Variants in KATNIP observed in about 807,000 individuals in gnomAD.
KATNIP encodes katanin-interacting protein.
KATNIP carries 126 observed loss-of-function variants against 174.0 expected under a neutral mutation model. The ratio of observed to expected loss-of-function variants is 0.72; its 90% CI spans 0.63 to 0.84. The LOEUF is 0.84. Among genes scored for constraint, KATNIP ranks in the 40% least tolerant of loss-of-function variants. The probability of loss-of-function intolerance (pLI) is 0.00; values close to 1 mark genes in which losing one functional copy is unlikely to be tolerated. For missense variants in KATNIP, 1,958 were observed against 2,109.7 expected (o/e 0.93, Z 1.41); for synonymous variants, 810 against 835.7 (o/e 0.97, Z 0.53).
intron 2 of KATNIP, among the ~76,000 whole-genome samples, chr16:27,605,384 A>T (rs1307454594): frequency 6.6e-6 from 1 of 152,224 alleles, no homozygotes. Context: ...TTAGATAGCT[A>T]TGTAAGAAAA....
chr16:27,576,421 G>C (rs2090497302), intron 2 of KATNIP, among the ~76,000 whole-genome samples: 1 of 152,024 alleles, frequency 6.6e-6, no homozygotes, highest in Admixed American at 6.6e-5. Context: ...CAGAGCTTTT[G>C]TTCGGTTAGA....
At chr16:27,758,023 C>T (rs1157110865) in intron 18 of KATNIP, among the ~76,000 whole-genome samples, 1 of 152,088 alleles carries the variant, frequency 6.6e-6, no homozygotes, top group Non-Finnish European at 1.5e-5. Flanking sequence ...AATTGATACA[C>T]CAGAGGAAAA....
intron 5 of KATNIP, among the ~76,000 whole-genome samples, chr16:27,642,771 T>TTTTC (rs2076840835): frequency 2.3e-5 from 1 of 43,900 alleles, no homozygotes; most frequent in African/African-American, 3.6e-5. Context: ...TTTAAAAAAT[T>TTTTC]TTTTTTTTTT....
At chr16:27,617,532 A>G (rs1033540584) in intron 2 of KATNIP, among the ~76,000 whole-genome samples, 1 of 152,216 alleles carries the variant, frequency 6.6e-6, no homozygotes, top group Non-Finnish European at 1.5e-5. Context: ...GTCACTTTCA[A>G]GGTCATCTAC....
chr16:27,555,847 A>G (rs895629926), intron 1 of KATNIP, among the ~76,000 whole-genome samples: 1 of 151,804 alleles, frequency 6.6e-6, no homozygotes, highest in Non-Finnish European at 1.5e-5. Flanking sequence ...AAAAAAAAAA[A>G]AAGTTCCTAC....
rs1273039611 is a variant in KATNIP, at chr16:27,637,012, T to A, written c.408+5850T>A. On this transcript the variant is annotated intron_variant, in intron 5 of 27. Transcript: ENST00000261588. The surrounding 1 kb of genome is among the most constrained non-coding windows in gnomAD (Gnocchi z 4.7). Reference sequence around the variant, plus strand: ...GCTCCGCCTCCTGCCAGCTGCACAGTGGCTAAGACGCTTAACCCCTTGGTG... The same window carrying A: ...GCTCCGCCTCCTGCCAGCTGCACAGAGGCTAAGACGCTTAACCCCTTGGTG... Among the ~76,000 whole-genome samples, 1 of 152,246 alleles carries A rather than the reference T, an allele frequency of 6.6e-6. No individual in the cohort carries two copies. Among genetic ancestry groups the A allele is most frequent in the Non-Finnish European group, 1.5e-5 (1 of 68,050 alleles).
chr16:27,775,809 G>C (rs1012622046), intron 24 of KATNIP, among the ~76,000 whole-genome samples: 5 of 152,174 alleles, frequency 3.3e-5, no homozygotes, highest in African/African-American at 7.2e-5. Flanking sequence ...GGGACTGAGT[G>C]GGGGATCGGG....
In KATNIP at chr16:27,698,507, T is replaced by C; in HGVS notation, c.1113+7T>C. On this transcript the variant is annotated splice_region_variant and intron_variant, in intron 9 of 27. Transcript: ENST00000261588. Reference sequence around the variant, plus strand: ...GCCAGCCAGCCCACTGCAGGTGCGCTCCGGGCTGGGAGAGGAACCGGGGGA... The same window carrying C: ...GCCAGCCAGCCCACTGCAGGTGCGCCCCGGGCTGGGAGAGGAACCGGGGGA... 1 of 1,599,372 alleles carries C rather than the reference T, an allele frequency of 6.3e-7. No homozygotes were observed. Among genetic ancestry groups the C allele is most frequent in the Non-Finnish European group, 8.5e-7 (1 of 1,171,506 alleles).
intron 1 of KATNIP, among the ~76,000 whole-genome samples, chr16:27,551,884 C>G (rs1352879292): frequency 1.3e-5 from 2 of 151,352 alleles, no homozygotes; most frequent in Non-Finnish European, 2.9e-5. Context: ...TAATAATTGG[C>G]CAGGTGCAGT....
rs546204586 is a variant in KATNIP at position 27,604,684 on chromosome 16, C to A, written c.64-13741C>A. ...TTCAGCCAATACTGAAGAAATGCAT[C>A]ATTGTGTGAAATAAAGTCAACACCA... On this transcript the variant is annotated intron_variant, in intron 2 of 27. Coordinates refer to ENST00000261588, the MANE Select transcript of KATNIP (RefSeq NM_015202.5). Among the ~76,000 whole-genome samples, 8 of 152,284 alleles carry A rather than the reference C, an allele frequency of 5.3e-5. No homozygotes were observed. The South Asian group carries it at 1.5e-3, about 28-fold the overall frequency.
intron 20 of KATNIP, among the ~76,000 whole-genome samples, chr16:27,769,018 G>T (rs1976673531): frequency 6.6e-6 from 1 of 152,262 alleles, no homozygotes; most frequent in African/African-American, 2.4e-5. Flanking sequence ...AGCAGGTGGT[G>T]GCTGGGCCGC....
At chr16:27,594,741 G>A (rs868723026) in intron 2 of KATNIP, among the ~76,000 whole-genome samples, 7 of 152,140 alleles carry the variant, frequency 4.6e-5, no homozygotes, top group Admixed American at 2.0e-4. Context: ...GTGTGAGACC[G>A]TGCCTGTCCA....
chr16:27,733,267 G>A (rs541202830), intron 14 of KATNIP, among the ~76,000 whole-genome samples: 4 of 152,250 alleles, frequency 2.6e-5, no homozygotes, highest in Admixed American at 1.3e-4. Context: ...CTGGGGCCAG[G>A]GATGAAAGTG....
At chr16:27,707,406 A>G (rs1038252474) in intron 12 of KATNIP, among the ~76,000 whole-genome samples, 2 of 152,360 alleles carry the variant, frequency 1.3e-5, no homozygotes, top group South Asian at 4.1e-4. Flanking sequence ...GGAAGGAGGC[A>G]GGCATTAAAA....
At chr16:27,642,391 A>G (rs2076826652) in intron 5 of KATNIP, among the ~76,000 whole-genome samples, 1 of 152,240 alleles carries the variant, frequency 6.6e-6, no homozygotes, top group African/African-American at 2.4e-5. Context: ...GAAGGGGAAC[A>G]TCACACACCA....
Position 27,721,571 on chromosome 16 carries a change from C to T in KATNIP, c.1619C>T (p.Ser540Phe), listed in dbSNP as rs932316591. ...VNRNLAGKKD[S>F]SPWTCPFHPP... is the part of the protein sequence containing the mutation. ...CTGGCCTTCTAGGGCAAGAAAGACT[C>T]CTCCCCGTGGACCTGCCCCTTCCAC... The change falls in exon 14 of 28, where the codon TCC becomes TTC. Residue 540 changes from serine to phenylalanine, a missense_variant. This residue lies in a region of KATNIP where 1,557 missense variants were observed against 1,617.8 expected (regional missense o/e 0.96). Coordinates refer to ENST00000261588, the MANE Select transcript of KATNIP (RefSeq NM_015202.5). The T allele has an allele frequency of 1.2e-6, 2 of 1,614,042 alleles. No homozygotes were observed. Among genetic ancestry groups the T allele is most frequent in the Admixed American group, 1.7e-5 (1 of 60,002 alleles).
At chr16:27,632,282 C>T (rs2076513250) in intron 5 of KATNIP, among the ~76,000 whole-genome samples, 1 of 152,214 alleles carries the variant, frequency 6.6e-6, no homozygotes, top group Non-Finnish European at 1.5e-5. Flanking sequence ...GCCATTCCGG[C>T]AGGCTAGGAA....
chr16:27,679,316 T>C (rs2078239255), intron 7 of KATNIP, among the ~76,000 whole-genome samples: 1 of 152,202 alleles, frequency 6.6e-6, no homozygotes, highest in Admixed American at 6.5e-5. Context: ...CCTCTGTGTG[T>C]GTCTGTGTCC....
rs925820059 is a variant in KATNIP at position 27,714,007 on chromosome 16, G to A, written c.1605+5087G>A. ...AACTCTGTCTGCTTCACACACCCCC[G>A]CCTCACACCCAGGCTCCAGCAGCCT... On this transcript the variant is annotated intron_variant, in intron 13 of 27. Coordinates refer to ENST00000261588, the MANE Select transcript of KATNIP (RefSeq NM_015202.5). 4.0e-5 allele frequency among the ~76,000 whole-genome samples: 6 copies of A among 150,656 alleles called. No homozygotes were observed. In the East Asian group the frequency reaches 7.9e-4, roughly 20 times the overall value.
Sources: allele counts gnomAD v4.1 joint callset (sites outside exome capture counted in the v4.1 genomes callset), GRCh38; gene constraint gnomAD v4.1.1; regional missense constraint gnomAD v4.1.1; non-coding constraint Gnocchi (gnomAD v3.1); transcripts MANE v1.5; gene names NCBI Gene and HGNC (gene_info 2026-07-23, HGNC 2026-07-21).